PRKN: variants seen among roughly 807,000 people sequenced by gnomAD.
PRKN encodes the protein E3 ubiquitin-protein ligase parkin.
In PRKN, 56 loss-of-function variants were observed where a neutral mutation model predicts 59.5. The ratio of observed to expected loss-of-function variants is 0.94; its 90% CI spans 0.76 to 1.18. The LOEUF (loss-of-function observed/expected upper bound fraction) is 1.18. Among genes scored for constraint, PRKN ranks in the 50% most tolerant of loss-of-function variants. The pLI, the probability that PRKN is intolerant of heterozygous loss-of-function variation, is 0.00. For synonymous variants in PRKN, 250 were observed against 222.1 expected (o/e 1.13, Z -1.12); for missense variants, 657 against 596.4 (o/e 1.10, Z -1.06).
At chr6:161,816,924 C>A (rs1791807754) in intron 6 of PRKN, among the ~76,000 whole-genome samples, 1 of 152,088 alleles carries the variant, frequency 6.6e-6, no homozygotes, top group Admixed American at 6.6e-5. Flanking sequence ...AAACGGTACC[C>A]ATAGGTAAGT....
chr6:161,436,509 T>C (rs1174127078), intron 9 of PRKN, among the ~76,000 whole-genome samples: 1 of 151,848 alleles, frequency 6.6e-6, no homozygotes, highest in African/African-American at 2.4e-5. Flanking sequence ...GGAGTTGTAA[T>C]TGCTCCCTGG....
At chr6:161,631,021 C>T (rs892685103) in intron 7 of PRKN, among the ~76,000 whole-genome samples, 3 of 152,206 alleles carry the variant, frequency 2.0e-5, no homozygotes, top group African/African-American at 2.4e-5. Context: ...GGTGGGGCCA[C>T]GCTTTCTAGG....
intron 1 of PRKN, among the ~76,000 whole-genome samples, chr6:162,552,239 C>T (rs1432704698): frequency 6.6e-6 from 1 of 152,132 alleles, no homozygotes; most frequent in Non-Finnish European, 1.5e-5. Context: ...CCAGTCATGG[C>T]TATACTGGCC....
At position 161,588,714 on chromosome 6, in the gene PRKN, T is replaced by C. The variant is rs551770720; in HGVS notation, c.872-19298A>G. ...AGAGGGCACCACAATCCCTAGAAAA[T>C]ACACCCAAAGTGGTTTTTGAGAGGA... On this transcript the variant is annotated intron_variant, in intron 7 of 11. Coordinates refer to ENST00000366898, the MANE Select transcript of PRKN (RefSeq NM_004562.3). This position sits in a 1 kb window ranked among gnomAD's most constrained non-coding sequence, Gnocchi z 5.0. Among the ~76,000 whole-genome samples the C allele has an allele frequency of 5.3e-5, 8 of 152,040 alleles. No individual in the cohort carries two copies. In the South Asian group the frequency reaches 1.7e-3, roughly 32 times the overall value.
chr6:161,705,206 C>T (rs1480024283), intron 7 of PRKN, among the ~76,000 whole-genome samples: 1 of 152,166 alleles, frequency 6.6e-6, no homozygotes, highest in Non-Finnish European at 1.5e-5. Context: ...CCCATTGTAA[C>T]TTGAAAATAT....
chr6:162,317,373 A>C (rs1474400905), intron 2 of PRKN, among the ~76,000 whole-genome samples: 1 of 151,978 alleles, frequency 6.6e-6, no homozygotes, highest in African/African-American at 2.4e-5. Context: ...TCCATGTAAG[A>C]CCTGGCCTTG....
intron 2 of PRKN, among the ~76,000 whole-genome samples, chr6:162,283,571 G>C (rs1781023988): frequency 6.6e-6 from 1 of 152,182 alleles, no homozygotes; most frequent in Non-Finnish European, 1.5e-5. Flanking sequence ...GCCCAGGCTG[G>C]AGTGCAGTAG....
intron 7 of PRKN, among the ~76,000 whole-genome samples, chr6:161,623,518 A>G (rs1782982267): frequency 2.0e-5 from 3 of 152,248 alleles, no homozygotes; most frequent in African/African-American, 7.2e-5. Flanking sequence ...AGGGAGCGAC[A>G]GACAGCTTTT....
At position 161,409,907 on chromosome 6, in the gene PRKN, C is replaced by A. The variant is rs900480141; in HGVS notation, c.1084-23030G>T. Among the ~76,000 whole-genome samples, 2 of 152,154 alleles carry A rather than the reference C, an allele frequency of 1.3e-5. No individual in the cohort carries two copies. Among genetic ancestry groups the A allele is most frequent in the African/African-American group, 4.8e-5 (2 of 41,424 alleles). On this transcript the variant is annotated intron_variant, in intron 9 of 11. Transcript: ENST00000366898. This position sits in a 1 kb window ranked among gnomAD's most constrained non-coding sequence, Gnocchi z 4.6. ...TCCATTCTCATAAAGTTTACCCTGT[C>A]TTGCTTTTCAGGTGAGAAGCAGAAT...
At chr6:162,661,015 A>G (rs562954760) in intron 1 of PRKN, among the ~76,000 whole-genome samples, 1 of 152,240 alleles carries the variant, frequency 6.6e-6, no homozygotes, top group South Asian at 2.1e-4. Flanking sequence ...TAATCCTAGC[A>G]CTTTGGGAGG....
intron 4 of PRKN, among the ~76,000 whole-genome samples, chr6:162,076,500 C>T (rs1434233849): frequency 6.6e-6 from 1 of 151,986 alleles, no homozygotes; most frequent in Non-Finnish European, 1.5e-5. Context: ...TCTATCTTTC[C>T]CCCGATTGTG....
In PRKN at chr6:162,321,912, A is replaced by G. The variant is rs532774477; in HGVS notation, c.172-59147T>C. Among the ~76,000 whole-genome samples, 64 of 152,168 alleles carry G rather than the reference A, an allele frequency of 4.2e-4. 1 individual carries two copies. In the South Asian group the frequency reaches 7.9e-3, roughly 19 times the overall value. On this transcript the variant is annotated intron_variant, in intron 2 of 11. Transcript: ENST00000366898. ...AGTTAACATTACATTTAATGATGAA[A>G]GATTGTCTACTTTCCCTCTGAGATT...
chr6:161,545,954 G>T lies in PRKN; in HGVS notation c.1083+2900C>A, dbSNP rs192695821. On this transcript the variant is annotated intron_variant, in intron 9 of 11. Transcript: ENST00000366898. The surrounding 1 kb of genome is among the most constrained non-coding windows in gnomAD (Gnocchi z 4.1). The stretch of plus-strand genomic sequence containing the variant: ...TCACAATATAAACAAATGGCATGGT[G>T]GCAAAGTAGTATTTAGGAAAAGCAA... Among the ~76,000 whole-genome samples, 559 of 152,262 alleles carry T rather than the reference G, an allele frequency of 3.7e-3. 8 individuals are homozygous for T. The highest frequency in any genetic ancestry group is 7.9e-3 in the African/African-American group (330 of 41,542).
intron 5 of PRKN, among the ~76,000 whole-genome samples, chr6:161,989,823 G>A (rs1314830942): frequency 6.6e-6 from 1 of 152,008 alleles, no homozygotes; most frequent in Non-Finnish European, 1.5e-5. Context: ...ACTGGGGAAC[G>A]ACCCTCCCTG....
intron 7 of PRKN, among the ~76,000 whole-genome samples, chr6:161,587,610 T>G (rs1383860011): frequency 1.3e-5 from 2 of 152,190 alleles, no homozygotes; most frequent in Non-Finnish European, 2.9e-5. Context: ...TGAAGGCTAT[T>G]TAAAGATGAG....
chr6:161,964,786 TG>T (rs1780514981), intron 6 of PRKN, among the ~76,000 whole-genome samples: 1 of 152,068 alleles, frequency 6.6e-6, no homozygotes, highest in African/African-American at 2.4e-5. Context: ...TTTCTCACCA[TG>T]CTCCTCAGAG....
At chr6:162,619,036 T>C (rs1440376066) in intron 1 of PRKN, among the ~76,000 whole-genome samples, 1 of 152,154 alleles carries the variant, frequency 6.6e-6, no homozygotes, top group Non-Finnish European at 1.5e-5. Context: ...TAAATGACTA[T>C]AATAACTTTA....
Position 161,360,196 on chromosome 6 carries a change from C to T in PRKN, c.1177G>A (p.Val393Ile), listed in dbSNP as rs1464839870. 2 of 1,612,704 alleles carry T rather than the reference C, an allele frequency of 1.2e-6. No individual in the cohort carries two copies. Among genetic ancestry groups the T allele is most frequent in the Non-Finnish European group, 1.7e-6 (2 of 1,178,748 alleles). ...GCCTGCTCGGCGGCTCTTTCATCGA[C>T]TCTGTAGGCCTGGGGAAACAAAGAG... Reference protein sequence around the residue: ...ASGTTTQAYRVDERAAEQARW... With the variant: ...ASGTTTQAYRIDERAAEQARW... Residue 393 changes from valine to isoleucine, a missense_variant, in exon 11 of 12, where the codon GTC becomes ATC. Physicochemically the swap from Val to Ile is conservative, Grantham distance 29. Coordinates refer to ENST00000366898, the MANE Select transcript of PRKN (RefSeq NM_004562.3). This position sits in a 1 kb window ranked among gnomAD's most constrained non-coding sequence, Gnocchi z 5.1.
At position 161,391,375 on chromosome 6, in the gene PRKN, A is replaced by G. The variant is rs1786497473; in HGVS notation, c.1084-4498T>C. Among the ~76,000 whole-genome samples the G allele has an allele frequency of 6.6e-6, 1 of 151,840 alleles. No homozygotes were observed. Among genetic ancestry groups the G allele is most frequent in the South Asian group, 2.1e-4 (1 of 4,820 alleles). On this transcript the variant is annotated intron_variant, in intron 9 of 11. Coordinates refer to ENST00000366898, the MANE Select transcript of PRKN (RefSeq NM_004562.3). This position sits in a 1 kb window ranked among gnomAD's most constrained non-coding sequence, Gnocchi z 4.9. ...ATGGAGTCCTGTTTATACCGTATAC[A>G]TTTTCAGGATTGTCTTCTCTTGTGG...
Sources: allele counts gnomAD v4.1 joint callset (sites outside exome capture counted in the v4.1 genomes callset), GRCh38; gene constraint gnomAD v4.1.1; non-coding constraint Gnocchi (gnomAD v3.1); transcripts MANE v1.5; gene names NCBI Gene and HGNC (gene_info 2026-07-23, HGNC 2026-07-21).